Variants in DYSF observed in about 807,000 individuals in gnomAD.
The protein encoded by DYSF is dysferlin.
In DYSF, 212 loss-of-function variants were observed where a neutral mutation model predicts 274.9. The observed-to-expected ratio is 0.77, with a 90% CI of 0.69 to 0.86. The LOEUF is 0.86. DYSF is among the 40% of genes least tolerant of loss of function. DYSF has a pLI of 0.00. For synonymous variants in DYSF, 1,091 were observed against 1,078.7 expected (o/e 1.01, Z -0.22); for missense variants, 2,666 against 2,783.2 (o/e 0.96, Z 0.95).
chr2:71,637,078 TC>T (rs1335555783), intron 41 of DYSF, among the ~76,000 whole-genome samples: 1,632 of 152,324 alleles, frequency 0.011, 22 homozygotes, highest in African/African-American at 0.038. Context: ...GACAACTCTT[TC>T]TAGAAGTTTT....
At chr2:71,484,237 G>C (rs949847166) in intron 3 of DYSF, among the ~76,000 whole-genome samples, 2 of 151,852 alleles carry the variant, frequency 1.3e-5, no homozygotes, top group African/African-American at 4.8e-5. Context: ...ATTTTTAGTA[G>C]AGACAGGGTT....
chr2:71,656,091 T>C, intron 42 of DYSF, 71 bp from the exon 43 acceptor site: 1 of 1,581,896 alleles, frequency 6.3e-7, no homozygotes, highest in African/African-American at 1.3e-5. Flanking sequence ...CTTCTCTTGT[T>C]TCCTTTCCTT....
intron 12 of DYSF, among the ~76,000 whole-genome samples, chr2:71,523,173 G>A (rs959582480): frequency 1.3e-5 from 2 of 152,150 alleles, no homozygotes; most frequent in African/African-American, 4.8e-5. Context: ...TGCAGCCTCC[G>A]TCACATGGCC....
intron 55 of DYSF, among the ~76,000 whole-genome samples, chr2:71,685,530 G>A (rs1055394251): frequency 4.4e-4 from 67 of 152,222 alleles, no homozygotes; most frequent in Non-Finnish European, 4.0e-4. Context: ...TCAGGCCATG[G>A]GACAGAGGCT....
intron 41 of DYSF, among the ~76,000 whole-genome samples, chr2:71,621,370 AT>A (rs1336376960): frequency 4.6e-5 from 7 of 151,924 alleles, no homozygotes; most frequent in South Asian, 2.1e-4. Context: ...CGATATACAT[AT>A]TTTTTTCTGA....
intron 4 of DYSF, among the ~76,000 whole-genome samples, chr2:71,508,772 T>C (rs182280700): frequency 1.3e-5 from 2 of 152,360 alleles, no homozygotes; most frequent in African/African-American, 4.8e-5. Context: ...CCCTTTCTCA[T>C]GTCAGAATTT....
At position 71,459,575 on chromosome 2, in the gene DYSF, T is replaced by G. The variant is rs1467991255; in HGVS notation, c.88+5489T>G. On this transcript the variant is annotated intron_variant, in intron 1 of 54. Coordinates refer to the DYSF transcript ENST00000258104. Reference sequence around the variant, plus strand: ...GGCCCAGGTGCCACATTCTCTGATTTTTTTCAAGAGAAGCTGTAAATCCAG... The same window carrying G: ...GGCCCAGGTGCCACATTCTCTGATTGTTTTCAAGAGAAGCTGTAAATCCAG... Among the ~76,000 whole-genome samples the G allele has an allele frequency of 3.9e-5, 6 of 152,178 alleles. No homozygotes were observed. In the East Asian group the frequency reaches 1.2e-3, roughly 29 times the overall value.
intron 46 of DYSF, 150 bp downstream of exon 46, chr2:71,664,588 A>G (rs2094961688): frequency 1.0e-5 from 9 of 903,364 alleles, no homozygotes; most frequent in South Asian, 5.9e-5. Context: ...TGGGAGTCCT[A>G]TCCCCACTCC....
In DYSF at chr2:71,608,693, G is replaced by A. The variant is rs148783608; in HGVS notation, c.3958-2552G>A. Reference sequence around the variant, plus strand: ...CAGGCTCCTGAAGATGCGGAGCCTGGTCCCCAGCCTTTAGAGAGGAATGTC... The same window carrying A: ...CAGGCTCCTGAAGATGCGGAGCCTGATCCCCAGCCTTTAGAGAGGAATGTC... On this transcript the variant is annotated intron_variant, in intron 36 of 55. Transcript: ENST00000410020. Among the ~76,000 whole-genome samples, 47 of 152,224 alleles carry A rather than the reference G, an allele frequency of 3.1e-4. No individual in the cohort carries two copies. The East Asian group carries it at 7.4e-3, about 24-fold the overall frequency.
At chr2:71,520,709 G>A in intron 11 of DYSF, 80 bp from the exon 12 acceptor site, 1 of 1,243,794 alleles carries the variant, frequency 8.0e-7, no homozygotes, top group Admixed American at 1.7e-5. Flanking sequence ...CCCCTGTGCA[G>A]TCCATCCTGG....
chr2:71,637,888 A>T (rs780862345), intron 41 of DYSF, among the ~76,000 whole-genome samples: 1 of 152,172 alleles, frequency 6.6e-6, no homozygotes, highest in Non-Finnish European at 1.5e-5. Context: ...TACCTGTGGG[A>T]TGCAGGACGA....
In DYSF at chr2:71,569,883, C is replaced by G. The variant is rs148531939; in HGVS notation, c.2928C>G (p.Thr976=). ...TGGAAGAGGTGTTTGAGAACCAGACCCGGCTTCCCGGAGGCCAGTGGATCT... is the reference window on the plus strand; with the variant it reads ...TGGAAGAGGTGTTTGAGAACCAGACGCGGCTTCCCGGAGGCCAGTGGATCT... ...SFVEEVFENQ[T]RLPGGQWIYM... is the part of the protein sequence containing the mutation. Residue 976 remains threonine, a synonymous_variant, in exon 27 of 56, where the codon ACC becomes ACG. Coordinates refer to ENST00000410020, the MANE Select transcript of DYSF (RefSeq NM_001130987.2). The G allele has an allele frequency of 6.2e-7, 1 of 1,614,006 alleles. No individual in the cohort carries two copies. The highest frequency in any genetic ancestry group is 1.3e-5 in the African/African-American group (1 of 74,934).
intron 17 of DYSF, among the ~76,000 whole-genome samples, chr2:71,550,100 G>C (rs2090821660): frequency 6.6e-6 from 1 of 152,194 alleles, no homozygotes; most frequent in Admixed American, 6.5e-5. Flanking sequence ...TGCCTACTTT[G>C]GCCCATCCTT....
chr2:71,477,714 A>G (rs6725430), intron 1 of DYSF, among the ~76,000 whole-genome samples: 14,011 of 152,264 alleles, frequency 0.092, 941 homozygotes, highest in African/African-American at 0.18. Context: ...AGATAGAACA[A>G]TGAATTTTAA....
chr2:71,603,378 G>C (rs2093588636), intron 36 of DYSF, among the ~76,000 whole-genome samples: 1 of 152,150 alleles, frequency 6.6e-6, no homozygotes, highest in East Asian at 1.9e-4. Flanking sequence ...CGTTCCCTAT[G>C]GCCTCCTGTG....
intron 30 of DYSF, among the ~76,000 whole-genome samples, chr2:71,583,966 C>G (rs1431822212): frequency 6.6e-6 from 1 of 152,150 alleles, no homozygotes; most frequent in African/African-American, 2.4e-5. Context: ...TGGCTTCCAG[C>G]CGGGCAGCAG....
intron 4 of DYSF, among the ~76,000 whole-genome samples, chr2:71,511,380 C>G (rs1003423957): frequency 3.3e-5 from 5 of 152,206 alleles, no homozygotes; most frequent in African/African-American, 4.8e-5. Context: ...GGGACATTTT[C>G]CTGAAGACAG....
chr2:71,541,182 G>A (rs943501874), intron 17 of DYSF, among the ~76,000 whole-genome samples: 11 of 152,100 alleles, frequency 7.2e-5, no homozygotes, highest in Non-Finnish European at 1.3e-4. Flanking sequence ...TCTAACATCT[G>A]GAACAGTTTC....
At chr2:71,617,714 G>C (rs1361612649) in intron 40 of DYSF, among the ~76,000 whole-genome samples, 1 of 118,424 alleles carries the variant, frequency 8.4e-6, no homozygotes, top group Admixed American at 8.7e-5. Flanking sequence ...GGTAGAGGTG[G>C]GGTGTGTGTG....
Sources: gnomAD v4.1 joint callset for allele counts (sites outside exome capture counted in the v4.1 genomes callset) on GRCh38, gnomAD v4.1.1 for gene constraint, MANE v1.5 for transcripts, NCBI Gene and HGNC (gene_info 2026-07-23, HGNC 2026-07-21) for gene names.